The following STARD9 variants were observed in gnomAD, a reference collection of about 807,000 sequenced individuals.
STARD9 encodes stAR-related lipid transfer protein 9.
A neutral mutation model predicts 399.8 loss-of-function variants in STARD9; 346 were observed. The observed-to-expected ratio is 0.87, with a 90% CI of 0.79 to 0.95. The LOEUF (loss-of-function observed/expected upper bound fraction) is 0.95. Among genes scored for constraint, STARD9 ranks in the 40% least tolerant of loss-of-function variants. The pLI is 0.00. For synonymous variants in STARD9, 2,203 were observed against 2,143.5 expected (o/e 1.03, Z -0.77); for missense variants, 5,832 against 5,667.5 (o/e 1.03, Z -0.93).
chr15:42,626,324 C>CTCCTCTTCCTCTTCTTCCTCTTCT (rs2059214022), intron 3 of STARD9, among the ~76,000 whole-genome samples: 1 of 126,926 alleles, frequency 7.9e-6, no homozygotes, highest in African/African-American at 3.7e-5. Flanking sequence ...CCTCTTCTTC[C>CTCCTCTTCCTCTTCTTCCTCTTCT]TCCTCTTCCT....
At chr15:42,642,802 G>A (rs930928033) in intron 7 of STARD9, among the ~76,000 whole-genome samples, 1 of 151,906 alleles carries the variant, frequency 6.6e-6, no homozygotes, top group Non-Finnish European at 1.5e-5. Flanking sequence ...TTTTTGTGGT[G>A]GTGTTTTTGT....
At chr15:42,612,123 A>T (rs2058862647) in intron 3 of STARD9, among the ~76,000 whole-genome samples, 2 of 152,108 alleles carry the variant, frequency 1.3e-5, no homozygotes, top group South Asian at 4.1e-4. Context: ...AACTACAAGC[A>T]TGTTCCACCA....
intron 3 of STARD9, among the ~76,000 whole-genome samples, chr15:42,632,954 G>C (rs1182962603): frequency 6.6e-6 from 1 of 152,020 alleles, no homozygotes; most frequent in Non-Finnish European, 1.5e-5. Flanking sequence ...ACCAGTCTGG[G>C]CAACATGGGG....
chr15:42,685,710 C>T lies in STARD9; in HGVS notation c.4132C>T (p.Pro1378Ser). 2 of 1,537,348 alleles carry T rather than the reference C, an allele frequency of 1.3e-6. No individual in the cohort carries two copies. The highest frequency in any genetic ancestry group is 1.7e-6 in the Non-Finnish European group (2 of 1,146,968). Residue 1378 changes from proline (P) to serine (S), a missense_variant, in exon 23 of 33, where the codon CCA (proline) becomes TCA (serine). Around this residue, in one of 2 missense-constraint regions of STARD9, gnomAD observed 5,828 missense variants for 5,651.1 expected, o/e 1.03. Coordinates refer to ENST00000290607, the MANE Select transcript of STARD9 (RefSeq NM_020759.3). Reference protein sequence around the residue: ...SCKGERPGYWPNTEELKPSDA... With the variant: ...SCKGERPGYWSNTEELKPSDA... ...TAAGGGGGAGAGGCCTGGATACTGG[C>T]CAAATACTGAGGAACTAAAGCCATC...
At position 42,593,653 on chromosome 15, in the gene STARD9, T is replaced by TC. The variant is rs1283088569; in HGVS notation, c.234+8017dup. Among the ~76,000 whole-genome samples the TC allele has an allele frequency of 2.9e-4, 37 of 128,372 alleles. No homozygotes were observed. The East Asian group carries it at 5.0e-3, about 17-fold the overall frequency. The allele number at this position is 128,372 out of a possible 152,430, so 84.2% of individuals were successfully genotyped here. A position where few individuals can be genotyped will look rare whatever the true frequency, so the allele number is the denominator to read the frequency against. On this transcript the variant is annotated intron_variant, in intron 3 of 32. Coordinates refer to ENST00000290607, the MANE Select transcript of STARD9 (RefSeq NM_020759.3). Reference sequence around the variant, plus strand: ...ATTTTAGTAGTAATATGGTTGTGCTTCTTTTTTTTTTTTTTTTTTTTTTTT... The same window carrying TC: ...ATTTTAGTAGTAATATGGTTGTGCTTCCTTTTTTTTTTTTTTTTTTTTTTTT...
intron 3 of STARD9, among the ~76,000 whole-genome samples, chr15:42,610,205 C>G (rs1169603089): frequency 1.3e-5 from 2 of 152,226 alleles, no homozygotes; most frequent in African/African-American, 4.8e-5. Flanking sequence ...TTGCTGCTCG[C>G]TGAATATTCA....
chr15:42,575,761 A>G lies in STARD9; in HGVS notation c.46A>G (p.Arg16Gly), dbSNP rs1421514934. Reference protein sequence around the residue: ...VAVRVRPLSKRETKEGGRIIV... With the variant: ...VAVRVRPLSKGETKEGGRIIV... ...CGTGCGGGTCCGGCCGCTCAGCAAG[A>G]GGTGAGTCTCCGCGGGAGAGGGCGC... Residue 16 changes from arginine to glycine, a missense_variant and splice_region_variant, in exon 1 of 33, where the codon AGG becomes GGG. Physicochemically the swap from Arg to Gly is moderately radical, Grantham distance 125. Coordinates refer to ENST00000290607, the MANE Select transcript of STARD9 (RefSeq NM_020759.3). 1 of 1,536,900 alleles carries G rather than the reference A, an allele frequency of 6.5e-7. No individual in the cohort carries two copies. Among genetic ancestry groups the G allele is most frequent in the Admixed American group, 2.0e-5 (1 of 51,004 alleles).
intron 26 of STARD9, among the ~76,000 whole-genome samples, chr15:42,712,128 TAA>T (rs1555411066): frequency 8.1e-5 from 1 of 12,296 alleles, no homozygotes; most frequent in Non-Finnish European, 1.6e-4. Context: ...AATATATATA[TAA>T]ATGTGCCTTT....
intron 26 of STARD9, among the ~76,000 whole-genome samples, chr15:42,702,413 A>G (rs1267103159): frequency 1.3e-5 from 2 of 152,152 alleles, no homozygotes; most frequent in Non-Finnish European, 2.9e-5. Flanking sequence ...TATGTTGGCC[A>G]GGCTGGTCTC....
intron 3 of STARD9, among the ~76,000 whole-genome samples, chr15:42,603,238 C>G (rs2058665760): frequency 6.6e-6 from 1 of 152,134 alleles, no homozygotes; most frequent in South Asian, 2.1e-4. Context: ...CAGCCTGCCT[C>G]AGCCTCCTGA....
At chr15:42,679,928 G>C (rs1195620760) in intron 20 of STARD9, among the ~76,000 whole-genome samples, 1 of 152,168 alleles carries the variant, frequency 6.6e-6, no homozygotes, top group African/African-American at 2.4e-5. Context: ...TACAGCGTAT[G>C]GGTCATACTG....
intron 26 of STARD9, among the ~76,000 whole-genome samples, chr15:42,698,081 A>G (rs941270328): frequency 7.2e-5 from 11 of 152,224 alleles, no homozygotes; most frequent in African/African-American, 2.4e-4. Flanking sequence ...TATGCAGAGA[A>G]CTTTCTCATT....
At chr15:42,651,994 G>A (rs1387557662) in intron 8 of STARD9, among the ~76,000 whole-genome samples, 2 of 152,184 alleles carry the variant, frequency 1.3e-5, no homozygotes, top group East Asian at 3.9e-4. Flanking sequence ...CCTGGCTTAA[G>A]CATGATATTG....
chr15:42,631,253 TC>T (rs2141899922), intron 3 of STARD9, among the ~76,000 whole-genome samples: 1 of 152,274 alleles, frequency 6.6e-6, no homozygotes, highest in African/African-American at 2.4e-5. Context: ...TTACACTGTA[TC>T]CCATTTGTTT....
intron 7 of STARD9, among the ~76,000 whole-genome samples, chr15:42,639,772 G>C (rs2059496275): frequency 6.6e-6 from 1 of 151,366 alleles, no homozygotes; most frequent in Non-Finnish European, 1.5e-5. Context: ...GCTGAGGCAG[G>C]ATAATCACTT....
intron 26 of STARD9, among the ~76,000 whole-genome samples, chr15:42,713,103 G>C (rs1458653007): frequency 6.6e-6 from 1 of 151,972 alleles, no homozygotes; most frequent in Admixed American, 6.6e-5. Flanking sequence ...TGTTTATTTA[G>C]GTTTAATTTC....
At chr15:42,675,416 C>G (rs1292312931) in intron 18 of STARD9, 1 of 520,054 alleles carries the variant, frequency 1.9e-6, no homozygotes, top group African/African-American at 1.9e-5. Context: ...CCTCTTCCAT[C>G]AAGTGTTCCC....
chr15:42,647,595 A>G (rs1180665116), intron 7 of STARD9, among the ~76,000 whole-genome samples: 1 of 151,682 alleles, frequency 6.6e-6, no homozygotes, highest in East Asian at 1.9e-4. Flanking sequence ...CTTCTTTTCT[A>G]CTTTTACTTT....
chr15:42,657,253 A>C (rs1235881850), intron 9 of STARD9, among the ~76,000 whole-genome samples: 1 of 151,924 alleles, frequency 6.6e-6, no homozygotes, highest in Non-Finnish European at 1.5e-5. Context: ...CCAGCTACTC[A>C]GAAGGCTGAG....
Sources: allele counts gnomAD v4.1 joint callset (sites outside exome capture counted in the v4.1 genomes callset), GRCh38; gene constraint gnomAD v4.1.1; regional missense constraint gnomAD v4.1.1; transcripts MANE v1.5; gene names NCBI Gene and HGNC (gene_info 2026-07-23, HGNC 2026-07-21).